The following MYO3A variants were observed in gnomAD, a reference collection of about 807,000 sequenced individuals.
MYO3A encodes the protein myosin-IIIa.
MYO3A carries 180 observed loss-of-function variants against 192.7 expected under a neutral mutation model. That is an observed-to-expected ratio of 0.93 (90% confidence interval 0.83 to 1.06). The LOEUF (loss-of-function observed/expected upper bound fraction) is 1.06, where lower values mean the gene tolerates loss of function less well. MYO3A is among the 50% of genes least tolerant of loss of function. The pLI, the probability that MYO3A is intolerant of heterozygous loss-of-function variation, is 0.00. For synonymous variants in MYO3A, 628 were observed against 645.3 expected (o/e 0.97, Z 0.41); for missense variants, 1,896 against 1,905.0 (o/e 1.00, Z 0.09).
chr10:26,205,039 T>C (rs926033884), intron 34 of MYO3A, among the ~76,000 whole-genome samples: 2 of 152,246 alleles, frequency 1.3e-5, no homozygotes, highest in Admixed American at 6.5e-5. Flanking sequence ...TTTTTGTGTA[T>C]ATACACACAC....
At chr10:25,996,637 T>C in intron 5 of MYO3A, 43 bp downstream of exon 5, 1 of 1,506,932 alleles carries the variant, frequency 6.6e-7, no homozygotes, top group Non-Finnish European at 9.2e-7. Flanking sequence ...ATGAAGCAGT[T>C]CCAGTTAAAA....
intron 20 of MYO3A, among the ~76,000 whole-genome samples, chr10:26,143,242 A>C (rs950338372): frequency 3.3e-5 from 5 of 152,050 alleles, no homozygotes; most frequent in African/African-American, 1.2e-4. Flanking sequence ...GAGGCAGGAG[A>C]ATTGCTTGAA....
chr10:26,082,551 G>T (rs1306958824), intron 14 of MYO3A, among the ~76,000 whole-genome samples: 1 of 152,092 alleles, frequency 6.6e-6, no homozygotes, highest in African/African-American at 2.4e-5. Context: ...CCCCACAGGG[G>T]ATATGATCCA....
chr10:25,988,647 A>G (rs1318797690), intron 4 of MYO3A, among the ~76,000 whole-genome samples: 1 of 152,192 alleles, frequency 6.6e-6, no homozygotes, highest in African/African-American at 2.4e-5. Flanking sequence ...TGTTCATAGC[A>G]GTTCTACTTA....
chr10:26,088,499 AT>A, intron 15 of MYO3A, 94 bp downstream of exon 15: 1 of 1,223,264 alleles, frequency 8.2e-7, no homozygotes, highest in Non-Finnish European at 1.2e-6. Context: ...ATAAAATTTT[AT>A]TTATCACTTA....
intron 6 of MYO3A, among the ~76,000 whole-genome samples, chr10:25,998,745 A>G (rs1840605596): frequency 6.6e-6 from 1 of 152,196 alleles, no homozygotes; most frequent in Admixed American, 6.5e-5. Flanking sequence ...TGTTAAAACA[A>G]GTATCAATAA....
At chr10:26,026,353 G>A (rs755426752) in intron 9 of MYO3A, 24 bp from the exon 10 acceptor site, 10 of 1,613,300 alleles carry the variant, frequency 6.2e-6, no homozygotes, top group Non-Finnish European at 2.5e-6. Context: ...TCTAATAATT[G>A]CATGTTCTTT....
At chr10:26,091,908 A>T (rs1418482113) in intron 15 of MYO3A, among the ~76,000 whole-genome samples, 1 of 152,208 alleles carries the variant, frequency 6.6e-6, no homozygotes, top group African/African-American at 2.4e-5. Context: ...TGTGCTAGGC[A>T]CAGGAGACAT....
chr10:26,168,958 G>A, intron 28 of MYO3A, 84 bp downstream of exon 28: 3 of 1,372,978 alleles, frequency 2.2e-6, no homozygotes, highest in Non-Finnish European at 3.0e-6. Context: ...TTCTTGTGTA[G>A]CTTTTGTGTT....
intron 17 of MYO3A, among the ~76,000 whole-genome samples, chr10:26,101,171 G>A (rs1030098233): frequency 5.9e-5 from 9 of 152,014 alleles, no homozygotes; most frequent in African/African-American, 1.9e-4. Flanking sequence ...TGTCTCTTTT[G>A]ATCTTTGTTA....
chr10:26,025,215 G>T (rs934010535), intron 9 of MYO3A, among the ~76,000 whole-genome samples: 2 of 151,944 alleles, frequency 1.3e-5, no homozygotes, highest in South Asian at 4.2e-4. Context: ...AGCATTCCGG[G>T]GAAATATATT....
rs1461730566 is a variant in MYO3A at position 26,066,034 on chromosome 10, A to G, written c.954-941A>G. 3.3e-4 allele frequency among the ~76,000 whole-genome samples: 25 copies of G among 75,864 alleles called. 8 individuals carry two copies. Among genetic ancestry groups the G allele is most frequent in the African/African-American group, 1.0e-3 (24 of 23,924 alleles). 49.8% of individuals were successfully genotyped at this position (75,864 alleles called of 152,430 possible). A position where few individuals can be genotyped will look rare whatever the true frequency, so the allele number is the denominator to read the frequency against. ...GGGAGGCTGAGGCTGAGGCAGGAGA[A>G]TGGCGTGAACCCGGGAGGCGGAGCT... On this transcript the variant is annotated intron_variant, in intron 10 of 34. Coordinates refer to ENST00000642920, the MANE Select transcript of MYO3A (RefSeq NM_017433.5).
At chr10:26,084,865 G>T (rs1337512905) in intron 14 of MYO3A, among the ~76,000 whole-genome samples, 1 of 152,206 alleles carries the variant, frequency 6.6e-6, no homozygotes, top group Non-Finnish European at 1.5e-5. Context: ...CAAATGTTTG[G>T]TGGAATTCAG....
rs527422699 is a variant in MYO3A, at chr10:25,956,289, A to G, written c.303+1281A>G. Reference sequence around the variant, plus strand: ...CCAAAGTGTAATAGGCACAATAATCATATATAAATTATATTAAGACTTTAT... The same window carrying G: ...CCAAAGTGTAATAGGCACAATAATCGTATATAAATTATATTAAGACTTTAT... On this transcript the variant is annotated intron_variant, in intron 4 of 34. Coordinates refer to ENST00000642920, the MANE Select transcript of MYO3A (RefSeq NM_017433.5). 3.0e-4 allele frequency among the ~76,000 whole-genome samples: 46 copies of G among 151,914 alleles called. 2 individuals carry two copies. The South Asian group carries it at 8.1e-3, about 27-fold the overall frequency.
intron 17 of MYO3A, among the ~76,000 whole-genome samples, chr10:26,114,924 C>T (rs1838411385): frequency 6.6e-6 from 1 of 151,988 alleles, no homozygotes; most frequent in African/African-American, 2.4e-5. Context: ...AATGAACACC[C>T]CAGAATGGGA....
At chr10:26,120,353 T>C (rs1838780603) in intron 17 of MYO3A, among the ~76,000 whole-genome samples, 1 of 152,224 alleles carries the variant, frequency 6.6e-6, no homozygotes, top group South Asian at 2.1e-4. Context: ...TCTGCATGGA[T>C]AGATTTATCT....
Position 26,024,070 on chromosome 10 carries a change from C to A in MYO3A, c.780C>A (p.Phe260Leu). The A allele has an allele frequency of 6.2e-7, 1 of 1,612,874 alleles. No homozygotes were observed. The highest frequency in any genetic ancestry group is 1.1e-5 in the South Asian group (1 of 91,040). Residue 260 changes from phenylalanine to leucine, a missense_variant, in exon 9 of 35, where the codon TTC becomes TTA. Transcript: ENST00000642920. ...AGCCTGAGCTATGGTCAGCAGAATT[C>A]AATGACTTCATAAGCAAGTGAGTAA... is the stretch of plus-strand genomic sequence containing the variant. Reference protein sequence around the residue: ...LRQPELWSAEFNDFISKCLTK... With the variant: ...LRQPELWSAELNDFISKCLTK...
In MYO3A at chr10:26,189,836, C is replaced by T. The variant is rs565151182; in HGVS notation, c.4439-3369C>T. Among the ~76,000 whole-genome samples, 10 of 151,416 alleles carry T rather than the reference C, an allele frequency of 6.6e-5. No individual in the cohort carries two copies. In the East Asian group the frequency reaches 9.7e-4, roughly 15 times the overall value. ...ATCCCAGCACTTTGGGAGGCTGAGG[C>T]GAGATCACCTGAGGTCAAGAGTTCG... On this transcript the variant is annotated intron_variant, in intron 31 of 34. Transcript: ENST00000642920.
At chr10:26,090,170 A>C (rs1836610668) in intron 15 of MYO3A, among the ~76,000 whole-genome samples, 2 of 152,192 alleles carry the variant, frequency 1.3e-5, no homozygotes, top group African/African-American at 4.8e-5. Flanking sequence ...AGAACTACTT[A>C]AGAGTAACTA....
Sources: gnomAD v4.1 joint callset for allele counts (sites outside exome capture counted in the v4.1 genomes callset) on GRCh38, gnomAD v4.1.1 for gene constraint, MANE v1.5 for transcripts, NCBI Gene and HGNC (gene_info 2026-07-23, HGNC 2026-07-21) for gene names.